Variants in FEZ2 observed in about 807,000 individuals in gnomAD.
The protein encoded by FEZ2 is fasciculation and elongation protein zeta 2, also known as fasciculation and elongation protein zeta-2.
A neutral mutation model predicts 40.4 loss-of-function variants in FEZ2; 51 were observed. The observed-to-expected ratio is 1.26, with a 90% CI of 1.01 to 1.59. FEZ2 has a LOEUF of 1.59. Among genes scored for constraint, FEZ2 ranks in the 40% most tolerant of loss-of-function variants. FEZ2 has a pLI of 0.00. For missense variants in FEZ2, 640 were observed against 438.3 expected (o/e 1.46, Z -4.11); for synonymous variants, 242 against 172.0 (o/e 1.41, Z -3.18).
chr2:36,598,143 C>G lies in FEZ2; in HGVS notation c.-1G>C. 1 of 1,473,542 alleles carries G rather than the reference C, an allele frequency of 6.8e-7. No individual in the cohort carries two copies. Among genetic ancestry groups the G allele is most frequent in the Admixed American group, 2.3e-5 (1 of 42,734 alleles). The allele number at this position is 1,473,542 out of a possible 1,614,324, so 91.3% of individuals were successfully genotyped here. A position where few individuals can be genotyped will look rare whatever the true frequency, so the allele number is the denominator to read the frequency against. The stretch of plus-strand genomic sequence containing the variant: ...CCTGCCAGTCCCCGTCCGCCGCCAT[C>G]GCCGCCCGGAGCAGTCGCGCGCCCC... On this transcript the variant is annotated 5_prime_UTR_variant, in exon 1 of 8. Transcript: ENST00000405912.
intron 1 of FEZ2, among the ~76,000 whole-genome samples, chr2:36,596,380 C>G (rs1286260258): frequency 6.6e-6 from 1 of 152,076 alleles, no homozygotes; most frequent in African/African-American, 2.4e-5. Context: ...CCCGTGACTC[C>G]TGTCCTGTCT....
chr2:36,591,117 AAAAC>A (rs1669060304), intron 1 of FEZ2, 106 bp from the exon 2 acceptor site: 5 of 715,684 alleles, frequency 7.0e-6, no homozygotes, highest in Non-Finnish European at 1.2e-5. Flanking sequence ...GAAACAGAGA[AAAAC>A]AGACAGCACA....
chr2:36,591,158 G>C (rs776575484), intron 1 of FEZ2, 147 bp from the exon 2 acceptor site: 13 of 626,516 alleles, frequency 2.1e-5, no homozygotes, highest in Non-Finnish European at 3.1e-5. Flanking sequence ...CATCAACAAA[G>C]TAGAGTCTCC....
chr2:36,565,576 T>C (rs1211757527), intron 5 of FEZ2, among the ~76,000 whole-genome samples: 1 of 152,078 alleles, frequency 6.6e-6, no homozygotes, highest in African/African-American at 2.4e-5. Context: ...GCCTGTTCCC[T>C]CCTCCTTCTA....
At chr2:36,584,694 C>T (rs1668853133) in intron 2 of FEZ2, among the ~76,000 whole-genome samples, 2 of 152,038 alleles carry the variant, frequency 1.3e-5, no homozygotes. Context: ...AAAATTTTAC[C>T]TGGCAAAATT....
At chr2:36,572,972 T>C (rs1263280071) in intron 5 of FEZ2, among the ~76,000 whole-genome samples, 1 of 152,148 alleles carries the variant, frequency 6.6e-6, no homozygotes, top group African/African-American at 2.4e-5. Flanking sequence ...ATTAGGGTAA[T>C]GTGATTCTTT....
At chr2:36,555,873 T>A in intron 6 of FEZ2, 125 bp from the exon 7 acceptor site, 1 of 667,306 alleles carries the variant, frequency 1.5e-6, no homozygotes, top group Non-Finnish European at 2.7e-6. Flanking sequence ...ATACAAATTA[T>A]AGGTGATTTT....
At chr2:36,573,434 T>C (rs530794260) in intron 5 of FEZ2, among the ~76,000 whole-genome samples, 4 of 152,354 alleles carry the variant, frequency 2.6e-5, no homozygotes, top group Non-Finnish European at 2.9e-5. Flanking sequence ...GACCTGTGAA[T>C]GTCTGATGTA....
rs1384916470 is a variant in FEZ2 at position 36,552,850 on chromosome 2, C to T, written c.*313G>A. On this transcript the variant is annotated 3_prime_UTR_variant, in exon 8 of 8. Transcript: ENST00000405912. ...AGTTTAGATAAGAAAGCCATAAAAA[C>T]AAATGGGCATACTGTCAGTTAATGA... 6 of 314,100 alleles carry T rather than the reference C, an allele frequency of 1.9e-5. No homozygotes were observed. Among genetic ancestry groups the T allele is most frequent in the East Asian group, 5.9e-5 (1 of 17,046 alleles). The allele number at this position is 314,100 out of a possible 1,614,324, so 19.5% of individuals were successfully genotyped here.
chr2:36,586,718 A>C (rs1273181434), intron 2 of FEZ2, among the ~76,000 whole-genome samples: 1 of 152,072 alleles, frequency 6.6e-6, no homozygotes, highest in African/African-American at 2.4e-5. Context: ...AGGTGGGAGG[A>C]TCTCCTGAGG....
chr2:36,579,263 G>T (rs1384936805), intron 4 of FEZ2, among the ~76,000 whole-genome samples: 1 of 152,180 alleles, frequency 6.6e-6, no homozygotes, highest in Non-Finnish European at 1.5e-5. Flanking sequence ...CGTTCAGCAG[G>T]GTTCTGGGAT....
At chr2:36,594,964 G>C (rs1351819936) in intron 1 of FEZ2, among the ~76,000 whole-genome samples, 1 of 152,230 alleles carries the variant, frequency 6.6e-6, no homozygotes, top group Non-Finnish European at 1.5e-5. Context: ...AAGATTTCTA[G>C]AATTCTGCAG....
At chr2:36,556,696 T>A (rs1285117452) in intron 6 of FEZ2, 1 of 152,276 alleles carries the variant, frequency 6.6e-6, no homozygotes, top group African/African-American at 2.4e-5. Context: ...AAAGGTTTGT[T>A]ATGAGGACTA....
intron 5 of FEZ2, among the ~76,000 whole-genome samples, chr2:36,571,490 A>T (rs1485400302): frequency 6.6e-6 from 1 of 151,818 alleles, no homozygotes; most frequent in East Asian, 1.9e-4. Context: ...GTGAAACCCC[A>T]TCTCTACTAA....
chr2:36,556,034 C>T (rs934604669), intron 6 of FEZ2: 5 of 560,146 alleles, frequency 8.9e-6, no homozygotes, highest in African/African-American at 7.5e-5. Flanking sequence ...AAAAGAGGAA[C>T]TGGGTTATTT....
rs2148350600 is a variant in FEZ2, at chr2:36,590,735, C to T, written c.375+168G>A. On this transcript the variant is annotated intron_variant, in intron 2 of 7. Coordinates refer to ENST00000405912, the MANE Select transcript of FEZ2 (RefSeq NM_005102.3). ...GAGAAGAACTGGAGGAATGTGCCAGCAAGGTGATGGCCCTACAGCCAAGAC... is the reference window on the plus strand; with the variant it reads ...GAGAAGAACTGGAGGAATGTGCCAGTAAGGTGATGGCCCTACAGCCAAGAC... The T allele has an allele frequency of 1.3e-5, 7 of 536,394 alleles. No homozygotes were observed. In the East Asian group the frequency reaches 2.2e-4, roughly 17 times the overall value. The allele number at this position is 536,394 out of a possible 1,614,324, so 33.2% of individuals were successfully genotyped here.
chr2:36,579,751 G>C, intron 4 of FEZ2, among the ~76,000 whole-genome samples: 1 of 152,060 alleles, frequency 6.6e-6, no homozygotes, highest in East Asian at 1.9e-4. Flanking sequence ...GTGCAAGAAT[G>C]GACTAAAAAA....
At chr2:36,584,371 T>C (rs559070132) in intron 2 of FEZ2, among the ~76,000 whole-genome samples, 13 of 152,178 alleles carry the variant, frequency 8.5e-5, no homozygotes, top group Non-Finnish European at 1.5e-4. Flanking sequence ...CCCTGGGGGA[T>C]TGCACCACAT....
intron 7 of FEZ2, among the ~76,000 whole-genome samples, chr2:36,554,884 A>G (rs1179862899): frequency 6.6e-6 from 1 of 152,214 alleles, no homozygotes; most frequent in East Asian, 1.9e-4. Flanking sequence ...AGAGAAGAAG[A>G]CTGTTACTAG....
Sources: allele counts gnomAD v4.1 joint callset (sites outside exome capture counted in the v4.1 genomes callset), GRCh38; gene constraint gnomAD v4.1.1; transcripts MANE v1.5; gene names NCBI Gene and HGNC (gene_info 2026-07-23, HGNC 2026-07-21).